SNAP23: variants seen among roughly 807,000 people sequenced by gnomAD.
The protein encoded by SNAP23 is synaptosome associated protein 23.
A neutral mutation model predicts 29.0 loss-of-function variants in SNAP23; 11 were observed. That is an observed-to-expected ratio of 0.38 (90% confidence interval 0.24 to 0.63). SNAP23 has a LOEUF of 0.63. SNAP23 is among the 20% of genes least tolerant of loss of function. The pLI, the probability that SNAP23 is intolerant of heterozygous loss-of-function variation, is 0.58. For missense variants in SNAP23, 220 were observed against 253.9 expected, an observed-to-expected ratio of 0.87 and a Z score of 0.91; for synonymous variants, 60 against 82.9, an observed-to-expected ratio of 0.72 and a Z score of 1.50.
At position 42,531,724 on chromosome 15, in the gene SNAP23, T is replaced by A; in HGVS notation, c.*246T>A. ...CTTAGATTGGTTTTCATATGTCATG[T>A]TTAGTGTTTTCATCCTCCTCATATA... On this transcript the variant is annotated 3_prime_UTR_variant, in exon 8 of 8. Coordinates refer to ENST00000249647, the MANE Select transcript of SNAP23 (RefSeq NM_003825.4). 1 of 343,384 alleles carries A rather than the reference T, an allele frequency of 2.9e-6. No individual in the cohort carries two copies. Among genetic ancestry groups the A allele is most frequent in the Non-Finnish European group, 5.2e-6 (1 of 190,512 alleles). 21.3% of individuals were successfully genotyped at this position (343,384 alleles called of 1,614,324 possible).
chr15:42,525,096 G>A (rs541766273), intron 5 of SNAP23, among the ~76,000 whole-genome samples: 3 of 152,240 alleles, frequency 2.0e-5, no homozygotes, highest in South Asian at 2.1e-4. Flanking sequence ...AGCTGGGCGC[G>A]GTAGCTCACT....
intron 2 of SNAP23, among the ~76,000 whole-genome samples, chr15:42,512,530 C>T (rs1323961900): frequency 1.3e-5 from 2 of 151,976 alleles, no homozygotes; most frequent in Non-Finnish European, 1.5e-5. Context: ...AGGTGTGTGC[C>T]ACCACGCCCA....
intron 5 of SNAP23, among the ~76,000 whole-genome samples, chr15:42,518,645 T>C (rs533716092): frequency 3.3e-5 from 5 of 151,866 alleles, no homozygotes; most frequent in African/African-American, 1.2e-4. Context: ...TCTTGAACCC[T>C]TGGGCTCAGG....
chr15:42,516,458 G>A (rs139823085), intron 5 of SNAP23, among the ~76,000 whole-genome samples: 1,529 of 152,250 alleles, frequency 0.01, 34 homozygotes, highest in African/African-American at 0.035. Flanking sequence ...AGCCTCCCGA[G>A]TAGCTGGGAC....
At chr15:42,508,262 C>CAA (rs5812223) in intron 1 of SNAP23, among the ~76,000 whole-genome samples, 4,722 of 89,606 alleles carry the variant, frequency 0.053, 174 homozygotes, top group African/African-American at 0.12. Context: ...AGCCTTGCCT[C>CAA]AAAAAAAAAA....
chr15:42,511,723 T>C, intron 1 of SNAP23, 110 bp from the exon 2 acceptor site: 1 of 517,878 alleles, frequency 1.9e-6, no homozygotes, highest in Non-Finnish European at 3.4e-6. Flanking sequence ...TTTTATCCTG[T>C]TTTCCTGATA....
chr15:42,502,060 C>A (rs1193106143), intron 1 of SNAP23, among the ~76,000 whole-genome samples: 1 of 145,086 alleles, frequency 6.9e-6, no homozygotes, highest in East Asian at 2.0e-4. Flanking sequence ...CGGAGTCTCG[C>A]TCTGTCGCCT....
chr15:42,513,867 G>A (rs2057377375), intron 4 of SNAP23, among the ~76,000 whole-genome samples: 1 of 152,114 alleles, frequency 6.6e-6, no homozygotes, highest in South Asian at 2.1e-4. Context: ...AGGCTGGAGT[G>A]CAATGGCGTG....
intron 1 of SNAP23, among the ~76,000 whole-genome samples, chr15:42,498,327 TTCCGTACA>T (rs2141497404): frequency 6.6e-6 from 1 of 152,302 alleles, no homozygotes; most frequent in South Asian, 2.1e-4. Flanking sequence ...ATCCAGGCAT[TTCCGTACA>T]TCCTCTGAAA....
intron 5 of SNAP23, among the ~76,000 whole-genome samples, chr15:42,526,189 CTTTTG>C (rs959885447): frequency 6.6e-6 from 1 of 152,096 alleles, no homozygotes; most frequent in African/African-American, 2.4e-5. Flanking sequence ...TAATATATTG[CTTTTG>C]TTTTATTTAC....
At chr15:42,495,031 G>A (rs2057204821), upstream of SNAP23, among the ~76,000 whole-genome samples, 1 of 152,138 alleles carries the variant, frequency 6.6e-6, no homozygotes, top group African/African-American at 2.4e-5. Flanking sequence ...CTACACTCGG[G>A]GATGTACGAT....
In SNAP23 at chr15:42,532,379, C is replaced by G. The variant is rs1405219843; in HGVS notation, c.*901C>G. On this transcript the variant is annotated 3_prime_UTR_variant, in exon 8 of 8. Transcript: ENST00000249647. ...GGATTACAGGCGTGAGCCACTGTGC[C>G]TGGCTGAGTTTTCTTAAAGTGAGCT... The G allele has an allele frequency of 6.6e-6, 1 of 151,588 alleles. No homozygotes were observed. The highest frequency in any genetic ancestry group is 2.4e-5 in the African/African-American group (1 of 40,836). 9.4% of individuals were successfully genotyped at this position (151,588 alleles called of 1,614,324 possible).
intron 2 of SNAP23, among the ~76,000 whole-genome samples, 178 bp from the exon 3 acceptor site, chr15:42,512,777 G>A (rs925245329): frequency 7.3e-5 from 11 of 150,412 alleles, no homozygotes; most frequent in East Asian, 2.0e-4. Context: ...CTTGAGCTCC[G>A]GTACTCAAGA....
At chr15:42,517,044 CA>C (rs1281830539) in intron 5 of SNAP23, among the ~76,000 whole-genome samples, 1 of 152,170 alleles carries the variant, frequency 6.6e-6, no homozygotes, top group Non-Finnish European at 1.5e-5. Flanking sequence ...CTCAGCCTCC[CA>C]AGTAGCTGGG....
chr15:42,503,713 G>A (rs1288147833), intron 1 of SNAP23, among the ~76,000 whole-genome samples: 1 of 152,058 alleles, frequency 6.6e-6, no homozygotes, highest in Non-Finnish European at 1.5e-5. Flanking sequence ...ATGTTGGCCA[G>A]TCTGGTCTCA....
chr15:42,494,584 T>C (rs748034372), upstream of SNAP23, among the ~76,000 whole-genome samples: 2 of 151,412 alleles, frequency 1.3e-5, no homozygotes, highest in Non-Finnish European at 2.9e-5. Flanking sequence ...GGCATGATCT[T>C]GGCCCACTGC....
chr15:42,494,495 A>G (rs931766475), upstream of SNAP23, among the ~76,000 whole-genome samples: 2 of 132,746 alleles, frequency 1.5e-5, no homozygotes, highest in Non-Finnish European at 3.1e-5. Context: ...CACCACACCC[A>G]GCTATTTTTT....
chr15:42,530,070 G>A (rs2057547616), intron 7 of SNAP23, among the ~76,000 whole-genome samples: 2 of 152,162 alleles, frequency 1.3e-5, no homozygotes, highest in Admixed American at 6.5e-5. Flanking sequence ...ATGAAGCTTA[G>A]TATCTACTTT....
chr15:42,529,825 A>C lies in SNAP23; in HGVS notation c.570+6A>C. 3.1e-6 allele frequency: 5 copies of C among 1,609,838 alleles called. No individual in the cohort carries two copies. The highest frequency in any genetic ancestry group is 4.2e-6 in the Non-Finnish European group (5 of 1,178,906). ...TAAAACGAATCACAGACAAGGTAAA[A>C]GCTTTTTATTGCCACAAGAAAATGA... On this transcript the variant is annotated splice_donor_region_variant and intron_variant, in intron 7 of 7. Transcript: ENST00000249647.
Sources: allele counts gnomAD v4.1 joint callset (sites outside exome capture counted in the v4.1 genomes callset), GRCh38; gene constraint gnomAD v4.1.1; transcripts MANE v1.5; gene names NCBI Gene and HGNC (gene_info 2026-07-23, HGNC 2026-07-21).